SMIM24: variants seen among roughly 807,000 people sequenced by gnomAD.
SMIM24 encodes MAP17-related dimer.
Under a neutral mutation model 10.8 loss-of-function variants are expected in SMIM24, and 6 were observed. The observed-to-expected ratio is 0.55, with a 90% CI of 0.30 to 1.09. The LOEUF is 1.09. SMIM24 is among the 50% of genes least tolerant of loss of function. The pLI is 0.06. For synonymous variants in SMIM24, 71 were observed against 62.4 expected (o/e 1.14, Z -0.65); for missense variants, 151 against 153.4 (o/e 0.98, Z 0.08).
In SMIM24 at chr19:3,478,800, GT is replaced by G; in HGVS notation, c.179+17del. The G allele has an allele frequency of 1.3e-6, 2 of 1,531,104 alleles. No individual in the cohort carries two copies. Among genetic ancestry groups the G allele is most frequent in the African/African-American group, 2.8e-5 (2 of 71,404 alleles). 94.8% of individuals were successfully genotyped at this position (1,531,104 alleles called of 1,614,324 possible). On this transcript the variant is annotated intron_variant, in intron 2 of 3. Coordinates refer to ENST00000215531, the MANE Select transcript of SMIM24 (RefSeq NM_001136503.2). ...GGGGCAGGGCTGTGGGGGCAGCGGG[GT>G]GGGGGCGGGCACCCACCTGGCCTTG... is the stretch of plus-strand genomic sequence containing the variant.
intron 3 of SMIM24, among the ~76,000 whole-genome samples, chr19:3,476,614 C>A (rs1178248416): frequency 2.0e-5 from 3 of 152,118 alleles, no homozygotes; most frequent in Non-Finnish European, 4.4e-5. Context: ...AGCCACCACT[C>A]AGGTCCTCTC....
chr19:3,476,293 T>C (rs567071884), intron 3 of SMIM24, among the ~76,000 whole-genome samples: 3 of 151,858 alleles, frequency 2.0e-5, no homozygotes, highest in Non-Finnish European at 2.9e-5. Flanking sequence ...GATAGACTGA[T>C]GGATGGACAG....
chr19:3,478,523 AG>A, intron 2 of SMIM24, 45 bp from the exon 3 acceptor site: 1 of 1,497,992 alleles, frequency 6.7e-7, no homozygotes, highest in Non-Finnish European at 9.0e-7. Flanking sequence ...GAGAGGAGAA[AG>A]GGGGCGGTAA....
At chr19:3,477,387 T>G (rs1599750470) in intron 3 of SMIM24, among the ~76,000 whole-genome samples, 4 of 88,018 alleles carry the variant, frequency 4.5e-5, no homozygotes, top group South Asian at 4.1e-4. Flanking sequence ...GGATGGGGGG[T>G]GATGAATGGA....
At position 3,474,918 on chromosome 19, in the gene SMIM24, TC is replaced by T. The variant is rs755675964; in HGVS notation, c.317del (p.Gly106GlufsTer56). 2.6e-6 allele frequency: 4 copies of T among 1,551,644 alleles called. No individual in the cohort carries two copies. The African/African-American group carries it at 5.5e-5, about 21-fold the overall frequency. On this transcript the variant is annotated frameshift_variant, in exon 4 of 4. Coordinates refer to ENST00000215531, the MANE Select transcript of SMIM24 (RefSeq NM_001136503.2). LOFTEE classifies it low-confidence loss of function (END_TRUNC). ...CCAGATCCAGTCCCAAGTTGCTCTC[TC>T]CTTCCTTTGCTGTCTTTTTCTCCTT... is the stretch of plus-strand genomic sequence containing the variant. ...RKKEKKTAKE[G>X]ESNLGLDLEE...
intron 2 of SMIM24, 92 bp downstream of exon 2, chr19:3,478,726 T>A: frequency 9.2e-7 from 1 of 1,083,100 alleles, no homozygotes; most frequent in Non-Finnish European, 1.3e-6. Context: ...ACCTTCGGAC[T>A]TTGAGGCTGG....
intron 2 of SMIM24, 28 bp from the exon 3 acceptor site, chr19:3,478,506 G>C (rs2082802788): frequency 1.3e-6 from 2 of 1,536,276 alleles, no homozygotes; most frequent in Non-Finnish European, 1.8e-6. Context: ...AAGGTGGAAG[G>C]GGGCGGGAGA....
chr19:3,474,888 T>C lies in SMIM24; in HGVS notation c.348A>G (p.Glu116=), dbSNP rs1275509663. 1 of 1,551,710 alleles carries C rather than the reference T, an allele frequency of 6.4e-7. No homozygotes were observed. Among genetic ancestry groups the C allele is most frequent in the South Asian group, 1.2e-5 (1 of 84,060 alleles). ...CTCTCTCATGGTCTCCGGGCTCTTTTTCCTCCAGATCCAGTCCCAAGTTGC... is the reference window on the plus strand; with the variant it reads ...CTCTCTCATGGTCTCCGGGCTCTTTCTCCTCCAGATCCAGTCCCAAGTTGC... ...GESNLGLDLE[E]KEPGDHERAK... The change falls in exon 4 of 4, where the codon GAA becomes GAG. Residue 116 remains glutamate, a synonymous_variant. Coordinates refer to ENST00000215531, the MANE Select transcript of SMIM24 (RefSeq NM_001136503.2).
rs1255994504 is a variant in SMIM24, at chr19:3,478,833, C to T, written c.164G>A (p.Trp55Ter). The T allele has an allele frequency of 1.3e-6, 2 of 1,549,304 alleles. No individual in the cohort carries two copies. Among genetic ancestry groups the T allele is most frequent in the East Asian group, 4.9e-5 (2 of 40,856 alleles). The change falls in exon 2 of 4, where the codon TGG becomes TAG. Residue 55 changes from tryptophan to a stop codon, truncating the protein, a stop_gained. Transcript: ENST00000215531. LOFTEE classifies it high-confidence loss of function. ...VYLVLLANRL[W>*]CSKARAEDEE... ...GGGCACCCACCTGGCCTTGGAACAC[C>T]AGAGGCGGTTGGCCAGCAAGACCAA...
chr19:3,475,135 C>T (rs76884950), intron 3 of SMIM24, 139 bp from the exon 4 acceptor site: 15,041 of 1,010,806 alleles, frequency 0.015, 198 homozygotes, highest in Middle Eastern at 0.046. Context: ...CCTAACTACG[C>T]GGCCTCACGA....
At position 3,480,281 on chromosome 19, in the gene SMIM24, C is replaced by G. The variant is rs1357048782; in HGVS notation, c.67+116G>C. 5.4e-6 allele frequency: 6 copies of G among 1,109,080 alleles called. 1 individual carries two copies. Among genetic ancestry groups the G allele is most frequent in the Non-Finnish European group, 2.6e-6 (2 of 776,784 alleles). The allele number at this position is 1,109,080 out of a possible 1,614,324, so 68.7% of individuals were successfully genotyped here. ...GGGGTTGAGAAGGGCCTCCAAGCCA[C>G]TCTTCCTTTTCTTCCTGCCCCCTCT... is the stretch of plus-strand genomic sequence containing the variant. On this transcript the variant is annotated intron_variant, in intron 1 of 3. Coordinates refer to ENST00000215531, the MANE Select transcript of SMIM24 (RefSeq NM_001136503.2).
intron 1 of SMIM24, 35 bp downstream of exon 1, chr19:3,480,359 CTAT>C: frequency 7.5e-6 from 11 of 1,457,662 alleles, no homozygotes; most frequent in Non-Finnish European, 8.3e-6. Context: ...ACCAACTCCC[CTAT>C]CCCGCGACGC....
chr19:3,475,506 A>G (rs745922672), intron 3 of SMIM24, among the ~76,000 whole-genome samples: 1 of 142,496 alleles, frequency 7.0e-6, no homozygotes, highest in Non-Finnish European at 1.5e-5. Context: ...GTGGATGGCT[A>G]GGTGGGTGAG....
rs563246320 is a variant in SMIM24 at position 3,478,719 on chromosome 19, T to G, written c.179+99A>C. The G allele has an allele frequency of 8.1e-3, 8,343 of 1,029,254 alleles. 36 individuals carry two copies. The highest frequency in any genetic ancestry group is 9.5e-3 in the Non-Finnish European group (6,767 of 709,112). 63.8% of individuals were successfully genotyped at this position (1,029,254 alleles called of 1,614,324 possible). ...AGGAGCAGCAGGGAAATGGGAGACC[T>G]TCGGACTTTGAGGCTGGTGATGGGG... On this transcript the variant is annotated intron_variant, in intron 2 of 3. Transcript: ENST00000215531.
intron 3 of SMIM24, among the ~76,000 whole-genome samples, chr19:3,477,479 A>G (rs2082798193): frequency 7.5e-6 from 1 of 132,812 alleles, no homozygotes. Context: ...TGATGAATGG[A>G]TGATGGATGG....
At position 3,474,641 on chromosome 19, in the gene SMIM24, A is replaced by G. The variant is rs2082785295; in HGVS notation, c.*202T>C. 12 of 607,972 alleles carry G rather than the reference A, an allele frequency of 2.0e-5. No homozygotes were observed. The highest frequency in any genetic ancestry group is 4.5e-4 in the Middle Eastern group (1 of 2,222). The allele number at this position is 607,972 out of a possible 1,614,324, so 37.7% of individuals were successfully genotyped here. On this transcript the variant is annotated 3_prime_UTR_variant, in exon 4 of 4. Coordinates refer to ENST00000215531, the MANE Select transcript of SMIM24 (RefSeq NM_001136503.2). ...TCACCAGGCAGGGACCAAGCTCAGG[A>G]AGAGGGGTGCATGAAAACCATGTTT...
At position 3,476,609 on chromosome 19, in the gene SMIM24, C is replaced by A. The variant is rs142484071; in HGVS notation, c.240-1613G>T. Reference sequence around the variant, plus strand: ...CTGAGCCAGGTCTTAGACAAAGCCACCACTCAGGTCCTCTCCCTCAGGCAC... The same window carrying A: ...CTGAGCCAGGTCTTAGACAAAGCCAACACTCAGGTCCTCTCCCTCAGGCAC... On this transcript the variant is annotated intron_variant, in intron 3 of 3. Transcript: ENST00000215531. Among the ~76,000 whole-genome samples the A allele has an allele frequency of 3.9e-5, 6 of 152,252 alleles. No individual in the cohort carries two copies. The East Asian group carries it at 1.2e-3, about 29-fold the overall frequency.
At chr19:3,479,225 G>A in intron 1 of SMIM24, 1 of 319,634 alleles carries the variant, frequency 3.1e-6, no homozygotes, top group East Asian at 5.7e-5. Context: ...GCTCAGAAGG[G>A]GCGGGGCTTA....
At chr19:3,477,766 T>A (rs1401309404) in intron 3 of SMIM24, among the ~76,000 whole-genome samples, 1 of 129,690 alleles carries the variant, frequency 7.7e-6, no homozygotes, top group Non-Finnish European at 1.6e-5. Flanking sequence ...GATGGGTGAG[T>A]GGGTGAATGG....
Sources: gnomAD v4.1 joint callset for allele counts (sites outside exome capture counted in the v4.1 genomes callset) on GRCh38, gnomAD v4.1.1 for gene constraint, MANE v1.5 for transcripts, NCBI Gene and HGNC (gene_info 2026-07-23, HGNC 2026-07-21) for gene names.